Variants in NAA38 observed in about 807,000 individuals in gnomAD.
NAA38 encodes the protein LSM domain containing 1.
Under a neutral mutation model 12.6 loss-of-function variants are expected in NAA38, and 15 were observed. The observed-to-expected ratio is 1.19, with a 90% CI of 0.79 to 1.83. The LOEUF is 1.83. NAA38 is among the 40% of genes most tolerant of loss of function. The probability of loss-of-function intolerance (pLI) is 0.00; values close to 1 mark genes in which losing one functional copy is unlikely to be tolerated. For missense variants in NAA38, 183 were observed against 171.7 expected, an observed-to-expected ratio of 1.07 and a Z score of -0.37; for synonymous variants, 88 against 69.9, an observed-to-expected ratio of 1.26 and a Z score of -1.29.
chr17:7,867,157 G>GTA (rs1966998414), intron 2 of NAA38, among the ~76,000 whole-genome samples: 1 of 152,156 alleles, frequency 6.6e-6, no homozygotes, highest in Non-Finnish European at 1.5e-5. Flanking sequence ...AGAAGGAACT[G>GTA]TAGCATGGTA....
At chr17:7,877,138 A>T (rs966865115) in intron 2 of NAA38, 2 of 335,466 alleles carry the variant, frequency 6.0e-6, no homozygotes, top group Non-Finnish European at 1.2e-5. Flanking sequence ...TGCTAACGTA[A>T]TCAATGAAGC....
chr17:7,866,571 C>A, intron 2 of NAA38: 2 of 1,179,204 alleles, frequency 1.7e-6, no homozygotes, highest in Admixed American at 4.2e-5. Context: ...GAAATGCCCC[C>A]CAAGCTTTGC....
At chr17:7,877,482 C>T (rs573740049) in intron 2 of NAA38, among the ~76,000 whole-genome samples, 80 of 149,744 alleles carry the variant, frequency 5.3e-4, no homozygotes, top group African/African-American at 9.8e-4. Flanking sequence ...TAATGGCCTG[C>T]GACACAGCCC....
At chr17:7,884,850 T>C in intron 1 of NAA38, 2 of 932,662 alleles carry the variant, frequency 2.1e-6, no homozygotes, top group South Asian at 1.8e-5. Flanking sequence ...GAGGAGGAGA[T>C]GGTGGTGTCG....
intron 3 of NAA38, chr17:7,864,150 T>C (rs1281842860): frequency 6.6e-6 from 1 of 152,196 alleles, no homozygotes; most frequent in East Asian, 1.9e-4. Flanking sequence ...CATGGGTCAG[T>C]AGAGTACACG....
At chr17:7,883,907 A>C (rs1967381983) in intron 1 of NAA38, among the ~76,000 whole-genome samples, 1 of 152,142 alleles carries the variant, frequency 6.6e-6, no homozygotes, top group Admixed American at 6.5e-5. Context: ...AAAAAAATTA[A>C]ATCTAGTTGG....
chr17:7,858,914 A>C, upstream of NAA38: 1 of 1,207,332 alleles, frequency 8.3e-7, no homozygotes, highest in East Asian at 2.6e-5. Context: ...TTTTTCCATA[A>C]CCGGTGGGAG....
chr17:7,882,023 GGAGA>G (rs763223199), intron 2 of NAA38, among the ~76,000 whole-genome samples: 10 of 151,386 alleles, frequency 6.6e-5, no homozygotes, highest in African/African-American at 1.9e-4. Context: ...CAAGAGGTCA[GGAGA>G]GAGAGAGAGA....
At chr17:7,875,703 G>A (rs1197881544) in intron 2 of NAA38, among the ~76,000 whole-genome samples, 2 of 151,980 alleles carry the variant, frequency 1.3e-5, no homozygotes, top group South Asian at 2.1e-4. Flanking sequence ...GTGAATTCAG[G>A]GGTTTTTAGT....
intron 2 of NAA38, among the ~76,000 whole-genome samples, chr17:7,876,610 C>T (rs1346595922): frequency 1.3e-5 from 2 of 152,028 alleles, no homozygotes; most frequent in African/African-American, 4.8e-5. Flanking sequence ...TACTTGCTTC[C>T]CCCCTCCCAA....
upstream of NAA38, chr17:7,857,610 C>A (rs1030374444): frequency 2.2e-5 from 30 of 1,368,792 alleles, no homozygotes; most frequent in Non-Finnish European, 2.7e-5. Flanking sequence ...CGGCACAGAT[C>A]TCGCGAGCTT....
chr17:7,861,833 T>C (rs2078885416), upstream of NAA38: 1 of 152,232 alleles, frequency 6.6e-6, no homozygotes, highest in Non-Finnish European at 1.5e-5. Context: ...CCTTAGCTTC[T>C]TCAGTGGCTT....
chr17:7,861,718 C>G (rs895968258), upstream of NAA38: 3 of 152,220 alleles, frequency 2.0e-5, no homozygotes, highest in South Asian at 6.2e-4. Context: ...CACCTCTTGT[C>G]TAAACTGCTA....
chr17:7,858,703 G>C, upstream of NAA38: 1 of 1,611,176 alleles, frequency 6.2e-7, no homozygotes, highest in Non-Finnish European at 8.5e-7. Flanking sequence ...TGTTCGGACT[G>C]GGCCAACGAT....
At chr17:7,857,953 C>T (rs2078844476), upstream of NAA38, 1 of 1,452,964 alleles carries the variant, frequency 6.9e-7, no homozygotes. Flanking sequence ...ACGTGCAGTC[C>T]AAACCCCGCC....
At chr17:7,884,890 C>A in intron 1 of NAA38, 2 of 1,297,696 alleles carry the variant, frequency 1.5e-6, no homozygotes, top group East Asian at 3.2e-5. Flanking sequence ...AAGAAGAGGG[C>A]GACGAGGAGG....
chr17:7,856,722 C>T lies in NAA38; in HGVS notation c.*9G>A. The T allele has an allele frequency of 6.2e-7, 1 of 1,607,986 alleles. No individual in the cohort carries two copies. Among genetic ancestry groups the T allele is most frequent in the Non-Finnish European group, 8.5e-7 (1 of 1,174,614 alleles). ...TTTAATGAAGTCTGAAAGGTAAGCGCCATCGTGGTCAGAGATACGGAGGCC... is the reference window on the plus strand; with the variant it reads ...TTTAATGAAGTCTGAAAGGTAAGCGTCATCGTGGTCAGAGATACGGAGGCC... On this transcript the variant is annotated 3_prime_UTR_variant, in exon 3 of 3. Transcript: ENST00000575771.
At chr17:7,872,603 C>T (rs915549648) in intron 2 of NAA38, among the ~76,000 whole-genome samples, 19 of 152,184 alleles carry the variant, frequency 1.2e-4, no homozygotes, top group African/African-American at 4.3e-4. Context: ...CCTTGTGATC[C>T]GCCCACCTCG....
intron 1 of NAA38, chr17:7,884,733 AGG>A: frequency 6.5e-6 from 1 of 153,334 alleles, no homozygotes; most frequent in Non-Finnish European, 1.1e-5. Flanking sequence ...GAGGAGGAGG[AGG>A]TGGTGGTGGT....
Sources: allele counts gnomAD v4.1 joint callset (sites outside exome capture counted in the v4.1 genomes callset), GRCh38; gene constraint gnomAD v4.1.1; transcripts MANE v1.5; gene names NCBI Gene and HGNC (gene_info 2026-07-23, HGNC 2026-07-21).